The following DZIP3 variants were observed in gnomAD, a reference collection of about 807,000 sequenced individuals.
DZIP3 encodes E3 ubiquitin-protein ligase DZIP3.
A neutral mutation model predicts 162.0 loss-of-function variants in DZIP3; 118 were observed. That is an observed-to-expected ratio of 0.73 (90% CI 0.63 to 0.85). DZIP3 has a LOEUF of 0.85. Ranked by LOEUF, DZIP3 falls within the 40% of genes least tolerant of loss-of-function variation. DZIP3 has a pLI of 0.00. For missense variants in DZIP3, 1,331 were observed against 1,407.0 expected (o/e 0.95, Z 0.86); for synonymous variants, 438 against 458.6 (o/e 0.96, Z 0.57).
intron 5 of DZIP3, among the ~76,000 whole-genome samples, chr3:108,617,205 C>T (rs190989101): frequency 6.6e-6 from 1 of 152,122 alleles, no homozygotes; most frequent in Admixed American, 6.5e-5. Context: ...AACATAGTGA[C>T]TATAGTTAAT....
At chr3:108,681,125 C>T (rs1003988359) in intron 26 of DZIP3, among the ~76,000 whole-genome samples, 8 of 151,564 alleles carry the variant, frequency 5.3e-5, no homozygotes, top group African/African-American at 1.9e-4. Flanking sequence ...AGCTTCTGCA[C>T]AGCATCAGAG....
In DZIP3 at chr3:108,611,308, T is replaced by A; in HGVS notation, c.237T>A (p.Asp79Glu). 6.2e-7 allele frequency: 1 copy of A among 1,612,618 alleles called. No individual in the cohort carries two copies. Residue 79 changes from aspartate to glutamate, a missense_variant, in exon 4 of 33, where the codon GAT (aspartate) becomes GAA (glutamate). By Grantham distance (45) the Asp-to-Glu change is conservative. Coordinates refer to ENST00000361582, the MANE Select transcript of DZIP3 (RefSeq NM_014648.4). ...VPHIKKFLQEDFSFQTMQREV... is the reference protein window; with the variant it reads ...VPHIKKFLQEEFSFQTMQREV... ...ACATTAAGAAGTTCTTACAAGAAGA[T>A]TTTTCCTTCCAAACTATGCAGGTAA...
chr3:108,593,075 C>T (rs761425447), intron 1 of DZIP3, among the ~76,000 whole-genome samples: 2 of 152,114 alleles, frequency 1.3e-5, no homozygotes, highest in Non-Finnish European at 2.9e-5. Context: ...CTGTTTCATT[C>T]TAAAAAATGT....
intron 1 of DZIP3, among the ~76,000 whole-genome samples, chr3:108,595,210 G>C (rs774777690): frequency 1.1e-4 from 17 of 152,058 alleles, no homozygotes; most frequent in Non-Finnish European, 2.2e-4. Flanking sequence ...TGATTTTGTT[G>C]TTGTTGTTGT....
At chr3:108,673,022 T>C (rs952094405) in intron 23 of DZIP3, among the ~76,000 whole-genome samples, 1 of 151,982 alleles carries the variant, frequency 6.6e-6, no homozygotes, top group Non-Finnish European at 1.5e-5. Context: ...ACTTCCAATA[T>C]ATATCTTACA....
chr3:108,638,802 T>C (rs535482453), intron 12 of DZIP3, among the ~76,000 whole-genome samples: 1 of 152,314 alleles, frequency 6.6e-6, no homozygotes, highest in South Asian at 2.1e-4. Flanking sequence ...CTAACAAAAA[T>C]TGGAATATAT....
At chr3:108,674,782 T>G (rs1944043370) in intron 24 of DZIP3, among the ~76,000 whole-genome samples, 1 of 151,912 alleles carries the variant, frequency 6.6e-6, no homozygotes, top group Admixed American at 6.6e-5. Context: ...TATAATCTCA[T>G]GGGGTACACC....
chr3:108,654,022 C>A, intron 18 of DZIP3, 123 bp from the exon 19 acceptor site: 3 of 1,012,796 alleles, frequency 3.0e-6, no homozygotes, highest in Non-Finnish European at 2.9e-6. Context: ...TTCCTTTGAT[C>A]ATGAACCCTT....
intron 18 of DZIP3, among the ~76,000 whole-genome samples, chr3:108,652,240 A>G (rs1004027944): frequency 1.3e-5 from 2 of 151,808 alleles, no homozygotes; most frequent in African/African-American, 4.8e-5. Flanking sequence ...AATAGTATAT[A>G]TACAATAACA....
At chr3:108,611,141 C>G in intron 3 of DZIP3, 33 bp from the exon 4 acceptor site, 3 of 1,539,062 alleles carry the variant, frequency 1.9e-6, no homozygotes, top group Middle Eastern at 2.0e-4. Context: ...AATATGCAAA[C>G]TGTGTAAATT....
chr3:108,661,193 T>G (rs1943411679), intron 19 of DZIP3, among the ~76,000 whole-genome samples: 1 of 152,228 alleles, frequency 6.6e-6, no homozygotes, highest in African/African-American at 2.4e-5. Context: ...CACGTATGTT[T>G]ATTGCAGCAC....
At chr3:108,685,771 GAAT>G (rs1559786470) in intron 27 of DZIP3, among the ~76,000 whole-genome samples, 1 of 152,084 alleles carries the variant, frequency 6.6e-6, no homozygotes, top group East Asian at 1.9e-4. Flanking sequence ...CACAAAATGC[GAAT>G]AATATAGAAA....
chr3:108,634,741 T>C, intron 9 of DZIP3, 130 bp from the exon 10 acceptor site: 1 of 452,278 alleles, frequency 2.2e-6, no homozygotes, highest in Non-Finnish European at 3.9e-6. Flanking sequence ...CTGATTTCTG[T>C]TGATAAATTT....
Position 108,648,929 on chromosome 3 carries a change from A to G in DZIP3, c.1974A>G (p.Lys658=). Residue 658 remains lysine (K), a synonymous_variant, in exon 17 of 33, where the codon AAA becomes AAG. Coordinates refer to ENST00000361582, the MANE Select transcript of DZIP3 (RefSeq NM_014648.4). ...SLKDLQEVKS[K]QRKKKKTKNK... ...TTTTTACCTACTAGGTTAAGAGTAA[A>G]CAAAGGAAAAAGAAGAAGACTAAGA... 8.5e-7 allele frequency: 1 copy of G among 1,174,056 alleles called. No homozygotes were observed. Among genetic ancestry groups the G allele is most frequent in the South Asian group, 1.5e-5 (1 of 68,868 alleles). The allele number at this position is 1,174,056 out of a possible 1,614,324, so 72.7% of individuals were successfully genotyped here. A position where few individuals can be genotyped will look rare whatever the true frequency, so the allele number is the denominator to read the frequency against.
upstream of DZIP3, chr3:108,589,584 C>T (rs775890256): frequency 1.1e-5 from 5 of 459,472 alleles, no homozygotes; most frequent in East Asian, 3.7e-5. Flanking sequence ...TTTGTGGGTC[C>T]AGGACGGGGG....
At chr3:108,635,360 A>T in intron 10 of DZIP3, 1 of 311,508 alleles carries the variant, frequency 3.2e-6, no homozygotes, top group Admixed American at 3.6e-5. Flanking sequence ...GGATAATTAT[A>T]CAGTTTTAAG....
At chr3:108,600,871 G>T (rs1333966544) in intron 1 of DZIP3, among the ~76,000 whole-genome samples, 2 of 152,116 alleles carry the variant, frequency 1.3e-5, no homozygotes, top group Non-Finnish European at 2.9e-5. Flanking sequence ...CTCTGTAAGG[G>T]TATGCTTTGA....
At chr3:108,637,756 G>A (rs1264435150) in intron 12 of DZIP3, among the ~76,000 whole-genome samples, 6 of 152,084 alleles carry the variant, frequency 3.9e-5, no homozygotes, top group Non-Finnish European at 8.8e-5. Context: ...GAGAAATTAT[G>A]TGAATACTTT....
At chr3:108,672,689 G>C (rs1208084419) in intron 23 of DZIP3, 33 bp downstream of exon 23, 1 of 1,540,454 alleles carries the variant, frequency 6.5e-7, no homozygotes, top group Admixed American at 1.7e-5. Context: ...GGTATGGGGT[G>C]AGGGGAAAAG....
Sources: gnomAD v4.1 joint callset for allele counts (sites outside exome capture counted in the v4.1 genomes callset) on GRCh38, gnomAD v4.1.1 for gene constraint, MANE v1.5 for transcripts, NCBI Gene and HGNC (gene_info 2026-07-23, HGNC 2026-07-21) for gene names.